The following KCNQ3 variants were observed in gnomAD, a reference collection of about 807,000 sequenced individuals.
KCNQ3 encodes the protein potassium voltage-gated channel subfamily KQT member 3.
A neutral mutation model predicts 92.5 loss-of-function variants in KCNQ3; 30 were observed. The observed-to-expected ratio is 0.32, with a 90% CI of 0.24 to 0.44. The LOEUF is 0.44. Ranked by LOEUF, KCNQ3 falls within the 20% of genes least tolerant of loss-of-function variation. The pLI is 1.00. For missense variants in KCNQ3, 913 were observed against 1,140.3 expected, an observed-to-expected ratio of 0.80 and a Z score of 2.87; for synonymous variants, 450 against 468.8, an observed-to-expected ratio of 0.96 and a Z score of 0.52.
At chr8:132,456,547 C>A (rs969231269) in intron 1 of KCNQ3, among the ~76,000 whole-genome samples, 7 of 151,776 alleles carry the variant, frequency 4.6e-5, no homozygotes, top group South Asian at 2.1e-4. Context: ...GGGTATTTTA[C>A]CTGAGCCAAA....
At chr8:132,236,506 A>G (rs547162010) in intron 1 of KCNQ3, among the ~76,000 whole-genome samples, 43 of 152,282 alleles carry the variant, frequency 2.8e-4, no homozygotes, top group African/African-American at 9.9e-4. Context: ...AAAACAATAA[A>G]ATATATATGG....
intron 1 of KCNQ3, among the ~76,000 whole-genome samples, chr8:132,193,114 C>T (rs1275314746): frequency 6.6e-6 from 1 of 152,198 alleles, no homozygotes; most frequent in African/African-American, 2.4e-5. Context: ...CCCTTCTACA[C>T]CCTGCAGGAG....
chr8:132,387,257 T>C (rs1044883566), intron 1 of KCNQ3, among the ~76,000 whole-genome samples: 3 of 152,208 alleles, frequency 2.0e-5, no homozygotes, highest in African/African-American at 7.2e-5. Context: ...AGCCCAACAT[T>C]AGAAAAGTTT....
intron 1 of KCNQ3, among the ~76,000 whole-genome samples, chr8:132,438,435 G>A (rs989808545): frequency 1.3e-5 from 2 of 152,052 alleles, no homozygotes; most frequent in African/African-American, 4.8e-5. Flanking sequence ...GGACTCCACT[G>A]GGCCCTCTAT....
intron 1 of KCNQ3, among the ~76,000 whole-genome samples, chr8:132,295,604 T>C (rs1272538846): frequency 6.6e-6 from 1 of 152,202 alleles, no homozygotes; most frequent in African/African-American, 2.4e-5. Flanking sequence ...TGCAGCACTA[T>C]TCACAATAGC....
chr8:132,345,082 G>C (rs1041166281), intron 1 of KCNQ3, among the ~76,000 whole-genome samples: 2 of 152,300 alleles, frequency 1.3e-5, no homozygotes, highest in Admixed American at 1.3e-4. Context: ...CTAACTTGCT[G>C]AGGGATTTTA....
At chr8:132,418,012 C>T (rs539330603) in intron 1 of KCNQ3, among the ~76,000 whole-genome samples, 4 of 152,240 alleles carry the variant, frequency 2.6e-5, no homozygotes, top group African/African-American at 7.2e-5. Context: ...AATATTTCTC[C>T]ACCGAGCCAC....
chr8:132,167,410 G>A (rs760127616), intron 8 of KCNQ3, among the ~76,000 whole-genome samples: 2 of 152,114 alleles, frequency 1.3e-5, no homozygotes, highest in Non-Finnish European at 2.9e-5. Flanking sequence ...CACTTTAAAA[G>A]GGTACCTTTT....
At chr8:132,274,326 C>T (rs555944604) in intron 1 of KCNQ3, among the ~76,000 whole-genome samples, 2 of 152,134 alleles carry the variant, frequency 1.3e-5, no homozygotes, top group African/African-American at 4.8e-5. Context: ...CTTCAGATCT[C>T]GTGAGACTTA....
At chr8:132,186,972 G>C (rs1174717017) in intron 1 of KCNQ3, among the ~76,000 whole-genome samples, 1 of 141,024 alleles carries the variant, frequency 7.1e-6, no homozygotes, top group Admixed American at 6.8e-5. Context: ...GAGAGAGAGA[G>C]AGAGAGAGAG....
At chr8:132,351,940 T>G (rs9297846) in intron 1 of KCNQ3, among the ~76,000 whole-genome samples, 86,786 of 152,038 alleles carry the variant, frequency 0.57, 27,608 homozygotes, top group African/African-American at 0.87. Flanking sequence ...GACTTCAAAT[T>G]ACCCCCACCG....
chr8:132,305,869 G>A (rs2130597904), intron 1 of KCNQ3, among the ~76,000 whole-genome samples: 1 of 141,936 alleles, frequency 7.0e-6, no homozygotes, highest in Admixed American at 7.5e-5. Context: ...AGTTTTTTGG[G>A]GGGTTTTTTG....
intron 1 of KCNQ3, among the ~76,000 whole-genome samples, chr8:132,436,103 A>G (rs1453174109): frequency 6.6e-6 from 1 of 152,236 alleles, no homozygotes; most frequent in Non-Finnish European, 1.5e-5. Flanking sequence ...CAAGATTTTC[A>G]TGTAATATGC....
chr8:132,152,407 A>G (rs1406636530), intron 9 of KCNQ3, among the ~76,000 whole-genome samples: 1 of 152,206 alleles, frequency 6.6e-6, no homozygotes, highest in East Asian at 1.9e-4. Flanking sequence ...AATTTGGAGC[A>G]TGTTTCTTTC....
At chr8:132,235,139 T>G (rs1814770227) in intron 1 of KCNQ3, among the ~76,000 whole-genome samples, 1 of 152,196 alleles carries the variant, frequency 6.6e-6, no homozygotes, top group African/African-American at 2.4e-5. Flanking sequence ...TCTGGTGTCT[T>G]CACATCACAG....
chr8:132,476,070 A>G (rs1239187725), intron 1 of KCNQ3, among the ~76,000 whole-genome samples: 1 of 152,246 alleles, frequency 6.6e-6, no homozygotes, highest in Non-Finnish European at 1.5e-5. Flanking sequence ...GTGTGCAAGC[A>G]CTGAGCCTTG....
intron 1 of KCNQ3, among the ~76,000 whole-genome samples, chr8:132,354,751 A>G (rs1407492405): frequency 1.3e-5 from 2 of 152,216 alleles, no homozygotes; most frequent in Admixed American, 6.5e-5. Context: ...ATTCTGCCAT[A>G]TAGATCTTGG....
Position 132,292,855 on chromosome 8 carries a change from T to C in KCNQ3, c.387-106674A>G, listed in dbSNP as rs193214075. Among the ~76,000 whole-genome samples the C allele has an allele frequency of 5.3e-5, 8 of 152,278 alleles. No individual in the cohort carries two copies. In the South Asian group the frequency reaches 1.5e-3, roughly 28 times the overall value. ...AATCTGATTGTGGATCAGAAGACCC[T>C]AATCCAGAGAGATTCCTGCCCCATA... On this transcript the variant is annotated intron_variant, in intron 1 of 14. Transcript: ENST00000388996.
At chr8:132,222,101 A>G (rs1301241847) in intron 1 of KCNQ3, among the ~76,000 whole-genome samples, 3 of 152,238 alleles carry the variant, frequency 2.0e-5, no homozygotes, top group Admixed American at 1.3e-4. Flanking sequence ...CTGCACAGCA[A>G]AAGAAACTAC....
Sources: allele counts gnomAD v4.1 joint callset (sites outside exome capture counted in the v4.1 genomes callset), GRCh38; gene constraint gnomAD v4.1.1; transcripts MANE v1.5; gene names NCBI Gene and HGNC (gene_info 2026-07-23, HGNC 2026-07-21).